Variants in RMND1 observed in about 807,000 individuals in gnomAD.
The protein encoded by RMND1 is required for meiotic nuclear division protein 1 homolog.
RMND1 carries 41 observed loss-of-function variants against 54.0 expected under a neutral mutation model. The observed-to-expected ratio is 0.76, with a 90% CI of 0.59 to 0.98. RMND1 has a LOEUF of 0.98. Ranked by LOEUF, RMND1 falls within the 50% of genes least tolerant of loss-of-function variation. The pLI is 0.00. For missense variants in RMND1, 457 were observed against 532.0 expected (o/e 0.86, Z 1.39); for synonymous variants, 183 against 181.7 (o/e 1.01, Z -0.06).
intron 10 of RMND1, among the ~76,000 whole-genome samples, chr6:151,413,386 A>G (rs1016652187): frequency 1.3e-5 from 2 of 152,132 alleles, no homozygotes; most frequent in African/African-American, 4.8e-5. Flanking sequence ...AGAGTCAGCT[A>G]CTTGGGACTA....
At chr6:151,428,595 A>G (rs1337276336) in intron 5 of RMND1, among the ~76,000 whole-genome samples, 1 of 152,076 alleles carries the variant, frequency 6.6e-6, no homozygotes, top group South Asian at 2.1e-4. Flanking sequence ...GCAGTGATGC[A>G]ATCATAGCTC....
chr6:151,436,439 G>C lies in RMND1; in HGVS notation c.613+7C>G, dbSNP rs1489647226. On this transcript the variant is annotated splice_region_variant and intron_variant, in intron 3 of 11. Coordinates refer to ENST00000444024, the MANE Select transcript of RMND1 (RefSeq NM_017909.4). The stretch of plus-strand genomic sequence containing the variant: ...ACATACTTGGCCCCAGGTTCAAGAA[G>C]AAGTACCTCTAGGCAAGCTTGTTAC... 2 of 1,613,680 alleles carry C rather than the reference G, an allele frequency of 1.2e-6. No individual in the cohort carries two copies. Among genetic ancestry groups the C allele is most frequent in the Non-Finnish European group, 1.7e-6 (2 of 1,179,712 alleles).
chr6:151,436,312 T>C, intron 3 of RMND1, 134 bp downstream of exon 3: 1 of 933,778 alleles, frequency 1.1e-6, no homozygotes, highest in Non-Finnish European at 1.6e-6. Context: ...TATAAAGAGA[T>C]TCAACATCCA....
At chr6:151,411,970 CTTT>C (rs1779849599) in intron 10 of RMND1, 1 of 152,200 alleles carries the variant, frequency 6.6e-6, no homozygotes, top group African/African-American at 2.4e-5. Flanking sequence ...CTGGTGTTCA[CTTT>C]TGTGTCATCC....
chr6:151,448,204 T>C (rs976359520), intron 1 of RMND1, among the ~76,000 whole-genome samples: 2 of 152,196 alleles, frequency 1.3e-5, no homozygotes, highest in African/African-American at 4.8e-5. Flanking sequence ...ATTGTCATTA[T>C]CAATACATCG....
chr6:151,428,196 T>G (rs1780358061), intron 5 of RMND1, among the ~76,000 whole-genome samples: 1 of 152,164 alleles, frequency 6.6e-6, no homozygotes, highest in South Asian at 2.1e-4. Flanking sequence ...GAGGTGATCA[T>G]CTCTTTCTCT....
intron 4 of RMND1, among the ~76,000 whole-genome samples, chr6:151,432,943 T>C (rs912661521): frequency 6.6e-5 from 10 of 152,336 alleles, no homozygotes; most frequent in East Asian, 3.9e-4. Context: ...ATTCACTTGT[T>C]TGAAATATTC....
Position 151,445,407 on chromosome 6 carries a change from A to ACCTGTATC in RMND1, c.404_405insGATACAGG (p.Phe135LeufsTer13). 1 of 1,614,058 alleles carries ACCTGTATC rather than the reference A, an allele frequency of 6.2e-7. No individual in the cohort carries two copies. Among genetic ancestry groups the ACCTGTATC allele is most frequent in the Non-Finnish European group, 8.5e-7 (1 of 1,179,914 alleles). On this transcript the variant is annotated frameshift_variant, in exon 2 of 12. Coordinates refer to ENST00000444024, the MANE Select transcript of RMND1 (RefSeq NM_017909.4). LOFTEE classifies it high-confidence loss of function. Reference sequence around the variant, plus strand: ...CCTGTGGGAAGTCTTGTTTTGGAACAAATGTTTCCGTTGATACAGATGAGA... The same window carrying ACCTGTATC: ...CCTGTGGGAAGTCTTGTTTTGGAACACCTGTATCAATGTTTCCGTTGATACAGATGAGA...
chr6:151,451,217 A>AC (rs1331698462), intron 1 of RMND1, among the ~76,000 whole-genome samples: 1 of 151,678 alleles, frequency 6.6e-6, no homozygotes, highest in Non-Finnish European at 1.5e-5. Context: ...AAAAAAAAAA[A>AC]AACACAACCA....
chr6:151,429,551 A>T (rs1780397889), intron 5 of RMND1, among the ~76,000 whole-genome samples: 2 of 152,114 alleles, frequency 1.3e-5, no homozygotes, highest in African/African-American at 4.8e-5. Flanking sequence ...ACAAACTATT[A>T]TTGTGTATTT....
intron 1 of RMND1, chr6:151,446,105 C>T (rs1780945564): frequency 3.2e-6 from 1 of 308,462 alleles, no homozygotes; most frequent in Non-Finnish European, 6.0e-6. Flanking sequence ...ACTTCATTTA[C>T]TTCATTAGCA....
intron 2 of RMND1, 145 bp downstream of exon 2, chr6:151,445,163 T>C: frequency 1.3e-6 from 1 of 743,754 alleles, no homozygotes; most frequent in Non-Finnish European, 2.1e-6. Context: ...CCTTTGGATA[T>C]TTATTAGGCT....
intron 4 of RMND1, among the ~76,000 whole-genome samples, chr6:151,431,097 C>T (rs904773136): frequency 5.9e-5 from 9 of 151,986 alleles, no homozygotes; most frequent in African/African-American, 1.9e-4. Flanking sequence ...ACCAGAGGGA[C>T]CCCTTTGCTA....
At chr6:151,441,180 G>A (rs1198058701) in intron 2 of RMND1, among the ~76,000 whole-genome samples, 1 of 152,194 alleles carries the variant, frequency 6.6e-6, no homozygotes, top group East Asian at 1.9e-4. Flanking sequence ...AGCATCGCAT[G>A]CTCTGATCAG....
In RMND1 at chr6:151,445,770, A is replaced by T. The variant is rs1385147801; in HGVS notation, c.42T>A (p.His14Gln). The T allele has an allele frequency of 5.6e-6, 9 of 1,613,296 alleles. No individual in the cohort carries two copies. Among genetic ancestry groups the T allele is most frequent in the Non-Finnish European group, 7.6e-6 (9 of 1,179,986 alleles). ...TLLRAVARSH[H>Q]ILSKAHQCRR... ...GGCACTGATGTGCTTTTGATAATATATGATGAGATCTGGCCACGGCTCTGA... is the reference window on the plus strand; with the variant it reads ...GGCACTGATGTGCTTTTGATAATATTTGATGAGATCTGGCCACGGCTCTGA... Residue 14 changes from histidine (H) to glutamine (Q), a missense_variant, in exon 2 of 12, where the codon CAT becomes CAA. His to Gln is a conservative substitution (Grantham distance 24, BLOSUM62 0). Transcript: ENST00000444024.
chr6:151,427,381 A>C (rs1294520516), intron 6 of RMND1, 101 bp downstream of exon 6: 1 of 686,744 alleles, frequency 1.5e-6, no homozygotes, highest in Non-Finnish European at 2.4e-6. Flanking sequence ...GTCTCAAAAA[A>C]AAAAAAAAAG....
rs760786861 is a variant in RMND1 at position 151,405,255 on chromosome 6, G to C, written c.1330C>G (p.Leu444Val). Residue 444 changes from leucine (L) to valine (V), a missense_variant, in exon 12 of 12, where the codon CTG becomes GTG. By Grantham distance (32) the Leu-to-Val change is conservative (BLOSUM62 1). Coordinates refer to ENST00000444024, the MANE Select transcript of RMND1 (RefSeq NM_017909.4). ...CTTGATCAGAAAAATACTCGTCCCA[G>C]CTCAAACATTACCTTAGAATAGAAA... ...ILITIEVMFE[L>V]GRVFF The C allele has an allele frequency of 3.7e-6, 6 of 1,612,740 alleles. No individual in the cohort carries two copies. In the Admixed American group the frequency reaches 8.3e-5, roughly 22 times the overall value.
chr6:151,432,237 G>A (rs1442481968), intron 4 of RMND1, among the ~76,000 whole-genome samples: 2 of 152,060 alleles, frequency 1.3e-5, no homozygotes, highest in Non-Finnish European at 1.5e-5. Flanking sequence ...GTGCCCAGCC[G>A]AGGCTTGCAC....
intron 9 of RMND1, chr6:151,420,637 G>GTCTGACAGGTGTCTTAAAATTA (rs1780127245): frequency 6.6e-6 from 1 of 152,100 alleles, no homozygotes; most frequent in Admixed American, 6.6e-5. Context: ...TAAAATTAAT[G>GTCTGACAGGTGTCTTAAAATTA]GTGTCTGACA....
Sources: gnomAD v4.1 joint callset for allele counts (sites outside exome capture counted in the v4.1 genomes callset) on GRCh38, gnomAD v4.1.1 for gene constraint, MANE v1.5 for transcripts, NCBI Gene and HGNC (gene_info 2026-07-23, HGNC 2026-07-21) for gene names.